Variants in PERP observed in about 807,000 individuals in gnomAD.
The protein encoded by PERP is p53 apoptosis effector related to PMP22.
PERP carries 11 observed loss-of-function variants against 20.3 expected under a neutral mutation model. The observed-to-expected ratio is 0.54, with a 90% confidence interval of 0.34 to 0.90. The LOEUF (loss-of-function observed/expected upper bound fraction) is 0.90, where lower values mean the gene tolerates loss of function less well. Among genes scored for constraint, PERP ranks in the 40% least tolerant of loss-of-function variants. PERP has a pLI of 0.02. For missense variants in PERP, 224 were observed against 249.4 expected (o/e 0.90, Z 0.69); for synonymous variants, 101 against 102.0 (o/e 0.99, Z 0.06).
In PERP at chr6:138,107,327, C is replaced by A. The variant is rs1427441605; in HGVS notation, c.14G>T (p.Gly5Val). The part of the protein sequence containing the change: MIRC[G>V]LACERCRWIL... Reference sequence around the variant, plus strand: ...CCAGCGGCAGCGCTCGCAGGCCAGGCCGCAGCGGATCATGTTGACGGGCGG... The same window carrying A: ...CCAGCGGCAGCGCTCGCAGGCCAGGACGCAGCGGATCATGTTGACGGGCGG... The change falls in exon 1 of 3, where the codon GGC becomes GTC. Residue 5 changes from glycine to valine, a missense_variant. Physicochemically the swap from Gly to Val is moderately radical, Grantham distance 109. Transcript: ENST00000421351. The surrounding 1 kb of genome is among the most constrained non-coding windows in gnomAD (Gnocchi z 4.8). 5 of 1,598,310 alleles carry A rather than the reference C, an allele frequency of 3.1e-6. No individual in the cohort carries two copies. The highest frequency in any genetic ancestry group is 4.3e-6 in the Non-Finnish European group (5 of 1,175,616).
In PERP at chr6:138,107,398, G is replaced by A. The variant is rs892277470; in HGVS notation, c.-58C>T. ...AGCGGAGCGGGTCGGAGGAGCGCGCGGGACGGGCGACAGCAGAGAGTGGCC... is the reference window on the plus strand; with the variant it reads ...AGCGGAGCGGGTCGGAGGAGCGCGCAGGACGGGCGACAGCAGAGAGTGGCC... On this transcript the variant is annotated 5_prime_UTR_variant, in exon 1 of 3. Coordinates refer to ENST00000421351, the MANE Select transcript of PERP (RefSeq NM_022121.5). This position sits in a 1 kb window ranked among gnomAD's most constrained non-coding sequence, Gnocchi z 4.8. The A allele has an allele frequency of 2.7e-5, 37 of 1,365,978 alleles. No homozygotes were observed. Among genetic ancestry groups the A allele is most frequent in the Middle Eastern group, 2.8e-4 (1 of 3,590 alleles). The allele number at this position is 1,365,978 out of a possible 1,614,324, so 84.6% of individuals were successfully genotyped here.
Position 138,107,405 on chromosome 6 carries a change from G to C in PERP, c.-65C>G. 2.3e-6 allele frequency: 3 copies of C among 1,323,642 alleles called. No homozygotes were observed. The highest frequency in any genetic ancestry group is 5.6e-5 in the East Asian group (2 of 35,436). 82.0% of individuals were successfully genotyped at this position (1,323,642 alleles called of 1,614,324 possible). A position where few individuals can be genotyped will look rare whatever the true frequency, so the allele number is the denominator to read the frequency against. ...CGGGTCGGAGGAGCGCGCGGGACGG[G>C]CGACAGCAGAGAGTGGCCTGCGAGC... On this transcript the variant is annotated 5_prime_UTR_variant, in exon 1 of 3. Transcript: ENST00000421351. This position sits in a 1 kb window ranked among gnomAD's most constrained non-coding sequence, Gnocchi z 4.8.
rs1303672616 is a variant in PERP, at chr6:138,090,853, C to T, written c.*1189G>A. On this transcript the variant is annotated 3_prime_UTR_variant, in exon 3 of 3. Coordinates refer to ENST00000421351, the MANE Select transcript of PERP (RefSeq NM_022121.5). ...TACAATTAGCTTTTTCCACAACTTA[C>T]AAAATAATAATCTGATATTTAAAAT... The T allele has an allele frequency of 4.6e-5, 7 of 152,384 alleles. No homozygotes were observed. The highest frequency in any genetic ancestry group is 8.8e-5 in the Non-Finnish European group (6 of 68,004). 9.4% of individuals were successfully genotyped at this position (152,384 alleles called of 1,614,324 possible). A position where few individuals can be genotyped will look rare whatever the true frequency, so the allele number is the denominator to read the frequency against.
chr6:138,098,661 AC>A (rs2114337734), intron 1 of PERP, among the ~76,000 whole-genome samples: 1 of 152,318 alleles, frequency 6.6e-6, no homozygotes, highest in East Asian at 1.9e-4. Context: ...CTAAGGCTCC[AC>A]ATGCCCTTCT....
At chr6:138,096,302 A>G in intron 2 of PERP, 52 bp downstream of exon 2, 1 of 1,598,718 alleles carries the variant, frequency 6.3e-7, no homozygotes. Flanking sequence ...ACCATTACTA[A>G]GTCGATGCCC....
chr6:138,106,299 G>C (rs1775840460), intron 1 of PERP, among the ~76,000 whole-genome samples: 1 of 152,114 alleles, frequency 6.6e-6, no homozygotes, highest in Non-Finnish European at 1.5e-5. Context: ...GGAAAGGAGA[G>C]GGGGCTTCCC....
intron 1 of PERP, among the ~76,000 whole-genome samples, chr6:138,098,607 T>C (rs1327452051): frequency 6.6e-6 from 1 of 152,216 alleles, no homozygotes; most frequent in African/African-American, 2.4e-5. Flanking sequence ...TTCTCAATCA[T>C]CTGATGCATT....
intron 2 of PERP, among the ~76,000 whole-genome samples, chr6:138,094,874 T>C (rs1430902229): frequency 6.6e-6 from 1 of 152,034 alleles, no homozygotes; most frequent in Non-Finnish European, 1.5e-5. Context: ...GTGTGCACCA[T>C]CAAGCCCAGC....
chr6:138,103,447 C>G (rs1437093668), intron 1 of PERP, among the ~76,000 whole-genome samples: 1 of 152,052 alleles, frequency 6.6e-6, no homozygotes, highest in Non-Finnish European at 1.5e-5. Context: ...CCACCACACC[C>G]GGCCAGGAAC....
At chr6:138,095,252 A>G (rs1333017251) in intron 2 of PERP, among the ~76,000 whole-genome samples, 2 of 152,212 alleles carry the variant, frequency 1.3e-5, no homozygotes, top group Non-Finnish European at 2.9e-5. Flanking sequence ...TGAAAATATG[A>G]GGATCAGAAA....
chr6:138,092,380 T>C, intron 2 of PERP, 112 bp from the exon 3 acceptor site: 2 of 969,364 alleles, frequency 2.1e-6, no homozygotes, highest in Non-Finnish European at 3.1e-6. Flanking sequence ...GAAATAAGTA[T>C]AAAATCTACC....
At chr6:138,101,820 A>G (rs1295504239) in intron 1 of PERP, among the ~76,000 whole-genome samples, 1 of 152,256 alleles carries the variant, frequency 6.6e-6, no homozygotes, top group South Asian at 2.1e-4. Context: ...ATAGTTTTGC[A>G]TAGTCAATGA....
chr6:138,093,605 C>A (rs969011324), intron 2 of PERP, among the ~76,000 whole-genome samples: 1 of 152,086 alleles, frequency 6.6e-6, no homozygotes, highest in African/African-American at 2.4e-5. Context: ...AAAAGCAATG[C>A]TTTTCTATGT....
At chr6:138,099,964 C>T (rs968793493) in intron 1 of PERP, among the ~76,000 whole-genome samples, 5 of 152,148 alleles carry the variant, frequency 3.3e-5, no homozygotes, top group Non-Finnish European at 5.9e-5. Context: ...AGAAAGACTG[C>T]CTTGGAAATA....
chr6:138,096,564 T>A, intron 1 of PERP, 70 bp from the exon 2 acceptor site: 2 of 1,494,692 alleles, frequency 1.3e-6, no homozygotes, highest in East Asian at 2.4e-5. Flanking sequence ...TATCACAGTA[T>A]CAACATGGTT....
chr6:138,096,326 A>T, intron 2 of PERP, 28 bp downstream of exon 2: 1 of 1,612,370 alleles, frequency 6.2e-7, no homozygotes, highest in Non-Finnish European at 8.5e-7. Context: ...GAAGGCATAA[A>T]TGAAGAATTG....
At chr6:138,105,640 CTT>C (rs897072954) in intron 1 of PERP, among the ~76,000 whole-genome samples, 2 of 152,192 alleles carry the variant, frequency 1.3e-5, no homozygotes, top group Admixed American at 6.5e-5. Context: ...GCTAGTCTTA[CTT>C]TATATGTGGA....
rs573818933 is a variant in PERP, at chr6:138,089,222, C to G, written c.*2820G>C. 9 of 151,732 alleles carry G rather than the reference C, an allele frequency of 5.9e-5. No individual in the cohort carries two copies. Among genetic ancestry groups the G allele is most frequent in the African/African-American group, 1.9e-4 (8 of 41,372 alleles). The allele number at this position is 151,732 out of a possible 1,614,324, so 9.4% of individuals were successfully genotyped here. A position where few individuals can be genotyped will look rare whatever the true frequency, so the allele number is the denominator to read the frequency against. ...TTCAGATGTGCTTATAAAAACAAGT[C>G]AGTGTTCACATTTACTGTATTAATA... is the stretch of plus-strand genomic sequence containing the variant. On this transcript the variant is annotated 3_prime_UTR_variant, in exon 3 of 3. Transcript: ENST00000421351.
At chr6:138,105,106 G>A (rs974946133) in intron 1 of PERP, among the ~76,000 whole-genome samples, 11 of 152,192 alleles carry the variant, frequency 7.2e-5, no homozygotes, top group Non-Finnish European at 1.5e-5. Flanking sequence ...CCAGATTCAT[G>A]ATTTGATTCC....
Sources: gnomAD v4.1 joint callset for allele counts (sites outside exome capture counted in the v4.1 genomes callset) on GRCh38, gnomAD v4.1.1 for gene constraint, Gnocchi (gnomAD v3.1) non-coding constraint, MANE v1.5 for transcripts, NCBI Gene and HGNC (gene_info 2026-07-23, HGNC 2026-07-21) for gene names.